DLGAP2: variants seen among roughly 807,000 people sequenced by gnomAD.
DLGAP2 encodes the protein DLG associated protein 2.
DLGAP2 carries 26 observed loss-of-function variants against 100.3 expected under a neutral mutation model. The ratio of observed to expected loss-of-function variants is 0.26; its 90% CI spans 0.19 to 0.36. The LOEUF (loss-of-function observed/expected upper bound fraction) is 0.36. Among genes scored for constraint, DLGAP2 ranks in the 10% least tolerant of loss-of-function variants. The pLI, the probability that DLGAP2 is intolerant of heterozygous loss-of-function variation, is 1.00. For missense variants in DLGAP2, 1,858 were observed against 1,453.2 expected (o/e 1.28, Z -4.53); for synonymous variants, 886 against 630.1 (o/e 1.41, Z -6.08).
At chr8:1,231,192 A>C (rs1333994618) in intron 2 of DLGAP2, among the ~76,000 whole-genome samples, 3 of 152,336 alleles carry the variant, frequency 2.0e-5, no homozygotes, top group Non-Finnish European at 2.9e-5. Context: ...ACATAAACAG[A>C]CATTTCTCTA....
chr8:1,571,405 T>G (rs1457736003), intron 6 of DLGAP2, among the ~76,000 whole-genome samples: 3 of 74,936 alleles, frequency 4.0e-5, no homozygotes, highest in East Asian at 4.4e-4. Flanking sequence ...TCTGATGAGA[T>G]GGAGAGGAGA....
intron 2 of DLGAP2, among the ~76,000 whole-genome samples, chr8:994,989 C>T (rs1407183225): frequency 6.6e-6 from 1 of 152,134 alleles, no homozygotes; most frequent in African/African-American, 2.4e-5. Flanking sequence ...AATAGGTATT[C>T]TTCAACTTAC....
chr8:1,608,819 G>C (rs974352722), intron 6 of DLGAP2, among the ~76,000 whole-genome samples: 2 of 150,928 alleles, frequency 1.3e-5, no homozygotes, highest in South Asian at 4.2e-4. Flanking sequence ...ATGAAATGAA[G>C]CGAGAAGGGA....
chr8:1,524,879 C>T lies in DLGAP2; in HGVS notation c.172+23448C>T, dbSNP rs146941830. 7.9e-5 allele frequency among the ~76,000 whole-genome samples: 12 copies of T among 152,174 alleles called. No homozygotes were observed. The East Asian group carries it at 1.9e-3, about 25-fold the overall frequency. ...CCCACATGATCCTGGGACCTTTTAGCGCTGTGTTCTGCTAACCCTCCTGCA... is the reference window on the plus strand; with the variant it reads ...CCCACATGATCCTGGGACCTTTTAGTGCTGTGTTCTGCTAACCCTCCTGCA... On this transcript the variant is annotated intron_variant, in intron 4 of 14. Coordinates refer to ENST00000637795, the MANE Select transcript of DLGAP2 (RefSeq NM_001346810.2).
intron 4 of DLGAP2, among the ~76,000 whole-genome samples, chr8:1,536,931 TG>T (rs897548076): frequency 1.3e-5 from 2 of 152,142 alleles, no homozygotes; most frequent in African/African-American, 4.8e-5. Flanking sequence ...GCTGCGGGCC[TG>T]GCATGGTCTA....
At chr8:1,244,441 GT>G (rs1468887338) in intron 2 of DLGAP2, among the ~76,000 whole-genome samples, 58 of 152,354 alleles carry the variant, frequency 3.8e-4, no homozygotes, top group African/African-American at 1.3e-3. Context: ...AGGTTAAAGT[GT>G]TGTAAAAGAG....
intron 2 of DLGAP2, among the ~76,000 whole-genome samples, chr8:922,059 G>C (rs1201045381): frequency 6.6e-6 from 1 of 152,246 alleles, no homozygotes; most frequent in African/African-American, 2.4e-5. Context: ...CAGGTGCCGT[G>C]TGCGCAGTTG....
chr8:1,269,770 A>T (rs1017741337), intron 3 of DLGAP2, among the ~76,000 whole-genome samples: 1 of 152,168 alleles, frequency 6.6e-6, no homozygotes, highest in Non-Finnish European at 1.5e-5. Context: ...TAAGCAAAAA[A>T]GGCTGGCGAG....
At chr8:751,630 AGG>A (rs1820792075) in intron 1 of DLGAP2, among the ~76,000 whole-genome samples, 1 of 88,248 alleles carries the variant, frequency 1.1e-5, no homozygotes. Flanking sequence ...AAGTCCTTAT[AGG>A]AAGTTCATCT....
At position 1,549,294 on chromosome 8, in the gene DLGAP2, A is replaced by C; in HGVS notation, c.841A>C (p.Lys281Gln). 3 of 1,612,406 alleles carry C rather than the reference A, an allele frequency of 1.9e-6. No homozygotes were observed. Among genetic ancestry groups the C allele is most frequent in the Non-Finnish European group, 2.5e-6 (3 of 1,179,648 alleles). ...HAKHSKRSKSKERKPEGKPRP... is the reference protein window; with the variant it reads ...HAKHSKRSKSQERKPEGKPRP... ...CAAGCACAGCAAGAGGAGCAAGAGC[A>C]AGGAGCGCAAGCCGGAGGGCAAGCC... The change falls in exon 5 of 15, where the codon AAG becomes CAG. Residue 281 changes from lysine to glutamine, a missense_variant. Lys to Gln is a moderately conservative substitution (Grantham distance 53). Coordinates refer to ENST00000637795, the MANE Select transcript of DLGAP2 (RefSeq NM_001346810.2).
intron 2 of DLGAP2, among the ~76,000 whole-genome samples, chr8:1,091,516 G>A (rs1336811735): frequency 6.6e-6 from 1 of 152,192 alleles, no homozygotes; most frequent in African/African-American, 2.4e-5. Context: ...ATTTTGCTGT[G>A]TTGCCTTCCT....
chr8:1,428,415 TGAGA>T (rs924744043), intron 3 of DLGAP2, among the ~76,000 whole-genome samples: 11 of 150,610 alleles, frequency 7.3e-5, no homozygotes, highest in Admixed American at 4.6e-4. Flanking sequence ...TCTCTTTCCT[TGAGA>T]GAGAGAGAGA....
chr8:1,237,538 A>G (rs1798689631), intron 2 of DLGAP2, among the ~76,000 whole-genome samples: 1 of 120,682 alleles, frequency 8.3e-6, no homozygotes, highest in Non-Finnish European at 1.7e-5. Context: ...CATCGTGTCT[A>G]GTTCTCTCAC....
At chr8:1,127,035 G>A (rs1418227585) in intron 2 of DLGAP2, among the ~76,000 whole-genome samples, 1 of 149,842 alleles carries the variant, frequency 6.7e-6, no homozygotes, top group Non-Finnish European at 1.5e-5. Context: ...CCCCAGCCCA[G>A]CTCTTAAACG....
At chr8:920,221 G>T (rs146686645) in intron 2 of DLGAP2, among the ~76,000 whole-genome samples, 381 of 152,324 alleles carry the variant, frequency 2.5e-3, no homozygotes, top group African/African-American at 8.3e-3. Context: ...GTCGTGCTGG[G>T]CTCTGCCCAC....
chr8:1,438,886 C>T (rs562356274), intron 3 of DLGAP2, among the ~76,000 whole-genome samples: 1 of 152,176 alleles, frequency 6.6e-6, no homozygotes, highest in African/African-American at 2.4e-5. Context: ...TAATATTCAC[C>T]TTCTCCTTCA....
chr8:947,737 C>A (rs1171133364), intron 2 of DLGAP2, among the ~76,000 whole-genome samples: 1 of 152,220 alleles, frequency 6.6e-6, no homozygotes. Context: ...CATTCCCACC[C>A]GTCACTTTTG....
intron 2 of DLGAP2, among the ~76,000 whole-genome samples, chr8:1,027,621 T>C (rs867211390): frequency 9.6e-4 from 89 of 92,688 alleles, no homozygotes; most frequent in African/African-American, 2.2e-3. Flanking sequence ...AGGTGGGGTG[T>C]CAGGCGCCCG....
intron 2 of DLGAP2, among the ~76,000 whole-genome samples, chr8:1,004,343 T>G (rs1249640284): frequency 6.6e-6 from 1 of 152,234 alleles, no homozygotes; most frequent in African/African-American, 2.4e-5. Flanking sequence ...TTGTCTTTTA[T>G]CTTCATAAAT....
Sources: allele counts gnomAD v4.1 joint callset (sites outside exome capture counted in the v4.1 genomes callset), GRCh38; gene constraint gnomAD v4.1.1; transcripts MANE v1.5; gene names NCBI Gene and HGNC (gene_info 2026-07-23, HGNC 2026-07-21).